The following RPS6KA2 variants were observed in gnomAD, a reference collection of about 807,000 sequenced individuals.
RPS6KA2 encodes ribosomal protein S6 kinase A2.
Under a neutral mutation model 91.8 loss-of-function variants are expected in RPS6KA2, and 42 were observed. The observed-to-expected ratio is 0.46, with a 90% CI of 0.36 to 0.59. The LOEUF is 0.59. Ranked by LOEUF, RPS6KA2 falls within the 20% of genes least tolerant of loss-of-function variation. The pLI is 0.00. For missense variants in RPS6KA2, 798 were observed against 978.5 expected, an observed-to-expected ratio of 0.82 and a Z score of 2.46; for synonymous variants, 414 against 393.6, an observed-to-expected ratio of 1.05 and a Z score of -0.61.
chr6:166,705,850 T>A lies in RPS6KA2; in HGVS notation c.123+152350A>T, dbSNP rs184022836. Reference sequence around the variant, plus strand: ...GTTTGTGTCTCCCCTAACTCTTATGTTGAAATCTAATCCCAAGTGTGATGG... The same window carrying A: ...GTTTGTGTCTCCCCTAACTCTTATGATGAAATCTAATCCCAAGTGTGATGG... On this transcript the variant is annotated intron_variant, in intron 2 of 21. Transcript: ENST00000503859. Among the ~76,000 whole-genome samples the A allele has an allele frequency of 1.1e-4, 16 of 152,326 alleles. No homozygotes were observed. In the East Asian group the frequency reaches 3.1e-3, roughly 29 times the overall value.
intron 10 of RPS6KA2, among the ~76,000 whole-genome samples, chr6:166,472,592 A>G (rs1436508228): frequency 6.6e-6 from 1 of 152,228 alleles, no homozygotes; most frequent in Non-Finnish European, 1.5e-5. Flanking sequence ...TTTTGCACTC[A>G]GCACCTTGAA....
chr6:166,791,573 C>T (rs2128614273), intron 2 of RPS6KA2, among the ~76,000 whole-genome samples: 1 of 152,324 alleles, frequency 6.6e-6, no homozygotes, highest in Non-Finnish European at 1.5e-5. Context: ...TTCTTCTCAG[C>T]ACCACATCAC....
chr6:166,700,531 A>G (rs1789478505), intron 2 of RPS6KA2, among the ~76,000 whole-genome samples: 1 of 152,186 alleles, frequency 6.6e-6, no homozygotes, highest in African/African-American at 2.4e-5. Context: ...TGTATTACTG[A>G]ATACCCGAGG....
chr6:166,738,492 G>A (rs1295485322), intron 2 of RPS6KA2, among the ~76,000 whole-genome samples: 2 of 152,184 alleles, frequency 1.3e-5, no homozygotes, highest in South Asian at 2.1e-4. Context: ...GACAAGGACC[G>A]AGAATCAGGC....
chr6:166,510,238 C>T (rs1224024512), intron 4 of RPS6KA2, 39 bp downstream of exon 4: 2 of 1,278,206 alleles, frequency 1.6e-6, no homozygotes, highest in African/African-American at 1.5e-5. Flanking sequence ...AGAAGGTTGC[C>T]CTGGGTCCTC....
chr6:166,426,790 T>C (rs1269782141), intron 16 of RPS6KA2, among the ~76,000 whole-genome samples: 1 of 135,686 alleles, frequency 7.4e-6, no homozygotes, highest in Non-Finnish European at 1.6e-5. Flanking sequence ...TAACAGGCTC[T>C]GAAATTGTGG....
intron 2 of RPS6KA2, among the ~76,000 whole-genome samples, chr6:166,634,543 A>G (rs1345560218): frequency 6.6e-6 from 1 of 152,220 alleles, no homozygotes; most frequent in Non-Finnish European, 1.5e-5. Flanking sequence ...TTATTCCAAC[A>G]TGACCACAAA....
At chr6:166,843,543 G>A (rs1289425616) in intron 2 of RPS6KA2, among the ~76,000 whole-genome samples, 2 of 152,216 alleles carry the variant, frequency 1.3e-5, no homozygotes. Context: ...CTCCACTGGA[G>A]CAGGTGCTGG....
intron 2 of RPS6KA2, among the ~76,000 whole-genome samples, chr6:166,851,655 C>T (rs939098383): frequency 7.2e-5 from 11 of 152,168 alleles, no homozygotes; most frequent in African/African-American, 2.7e-4. Flanking sequence ...CCGGTGCCCA[C>T]GATTTTAGAG....
chr6:166,695,619 CCT>C (rs1789333063), intron 2 of RPS6KA2, among the ~76,000 whole-genome samples: 1 of 152,176 alleles, frequency 6.6e-6, no homozygotes, highest in African/African-American at 2.4e-5. Context: ...GCGAGTGTTA[CCT>C]CTCTAGCCTG....
In RPS6KA2 at chr6:166,679,225, G is replaced by A. The variant is rs367621097; in HGVS notation, c.124-140441C>T. Among the ~76,000 whole-genome samples the A allele has an allele frequency of 4.7e-4, 72 of 152,128 alleles. No homozygotes were observed. The East Asian group carries it at 0.013, about 27-fold the overall frequency. ...TCCCAGCACTTTGGGAGACTGAGGC[G>A]GGTGGATCACCTGAGGTCAGGAGTT... is the stretch of plus-strand genomic sequence containing the variant. On this transcript the variant is annotated intron_variant, in intron 2 of 21. Transcript: ENST00000503859.
intron 1 of RPS6KA2, among the ~76,000 whole-genome samples, chr6:166,569,104 A>C (rs961358281): frequency 1.3e-5 from 2 of 152,260 alleles, no homozygotes; most frequent in African/African-American, 2.4e-5. Flanking sequence ...AAAAAATGCA[A>C]GTTTACTCTA....
intron 2 of RPS6KA2, among the ~76,000 whole-genome samples, chr6:166,807,096 C>T (rs370385562): frequency 1.8e-4 from 27 of 152,192 alleles, no homozygotes; most frequent in African/African-American, 4.6e-4. Flanking sequence ...AGAGACAAAA[C>T]GCTATAATAT....
At chr6:166,687,470 G>C (rs1220964217) in intron 2 of RPS6KA2, among the ~76,000 whole-genome samples, 1 of 152,188 alleles carries the variant, frequency 6.6e-6, no homozygotes, top group African/African-American at 2.4e-5. Flanking sequence ...TGGGGGCAGG[G>C]GGACACCAGT....
At chr6:166,744,667 C>T (rs1409779439) in intron 2 of RPS6KA2, among the ~76,000 whole-genome samples, 1 of 152,184 alleles carries the variant, frequency 6.6e-6, no homozygotes, top group East Asian at 1.9e-4. Flanking sequence ...CAGACCTCTG[C>T]AACATCTGCT....
chr6:166,689,981 C>A (rs576901990), intron 2 of RPS6KA2, among the ~76,000 whole-genome samples: 33 of 152,376 alleles, frequency 2.2e-4, no homozygotes, highest in African/African-American at 7.7e-4. Context: ...GGAGTCCACA[C>A]TGCGTTCCCT....
intron 2 of RPS6KA2, among the ~76,000 whole-genome samples, chr6:166,734,628 G>A (rs985289814): frequency 1.3e-5 from 2 of 150,950 alleles, no homozygotes; most frequent in African/African-American, 5.0e-5. Flanking sequence ...TTAAGCACAG[G>A]TCTGTGGGGC....
intron 19 of RPS6KA2, among the ~76,000 whole-genome samples, chr6:166,416,123 TCATCACCC>T (rs2128437452): frequency 2.9e-3 from 2 of 684 alleles, no homozygotes; most frequent in South Asian, 0.045. Flanking sequence ...TCACCATCCT[TCATCACCC>T]CCACCATCAC....
At chr6:166,546,410 T>C (rs757780909) in intron 1 of RPS6KA2, among the ~76,000 whole-genome samples, 7 of 152,120 alleles carry the variant, frequency 4.6e-5, no homozygotes, top group Non-Finnish European at 8.8e-5. Context: ...GTGACAGTGA[T>C]ACCAGGACGC....
Sources: allele counts gnomAD v4.1 joint callset (sites outside exome capture counted in the v4.1 genomes callset), GRCh38; gene constraint gnomAD v4.1.1; transcripts MANE v1.5; gene names NCBI Gene and HGNC (gene_info 2026-07-23, HGNC 2026-07-21).